MINDY3: variants seen among roughly 807,000 people sequenced by gnomAD.
The protein encoded by MINDY3 is ubiquitin carboxyl-terminal hydrolase MINDY-3.
In MINDY3, 38 loss-of-function variants were observed where a neutral mutation model predicts 69.2. The ratio of observed to expected loss-of-function variants is 0.55; its 90% CI spans 0.42 to 0.72. The LOEUF (loss-of-function observed/expected upper bound fraction) is 0.72, where lower values mean the gene tolerates loss of function less well. Ranked by LOEUF, MINDY3 falls within the 30% of genes least tolerant of loss-of-function variation. The pLI, the probability that MINDY3 is intolerant of heterozygous loss-of-function variation, is 0.00. For missense variants in MINDY3, 522 were observed against 519.0 expected, an observed-to-expected ratio of 1.01 and a Z score of -0.06; for synonymous variants, 192 against 180.1, an observed-to-expected ratio of 1.07 and a Z score of -0.53.
At chr10:15,859,049 T>G (rs1402763446) in intron 1 of MINDY3, among the ~76,000 whole-genome samples, 1 of 152,210 alleles carries the variant, frequency 6.6e-6, no homozygotes, top group African/African-American at 2.4e-5. Context: ...TTCTATCGAT[T>G]TGTGCAACTT....
At chr10:15,860,142 A>G in intron 1 of MINDY3, 64 bp downstream of exon 1, 1 of 1,240,414 alleles carries the variant, frequency 8.1e-7, no homozygotes, top group Non-Finnish European at 1.2e-6. Context: ...GAGAGGCGTC[A>G]CAGGCGGACT....
At chr10:15,808,015 C>T (rs1838751536) in intron 10 of MINDY3, among the ~76,000 whole-genome samples, 1 of 152,102 alleles carries the variant, frequency 6.6e-6, no homozygotes, top group African/African-American at 2.4e-5. Flanking sequence ...TGGGGGACAG[C>T]CCCAAATTGT....
At chr10:15,841,382 A>G in intron 4 of MINDY3, 44 bp downstream of exon 4, 1 of 1,489,810 alleles carries the variant, frequency 6.7e-7, no homozygotes. Context: ...TCATTAAAAC[A>G]AAGGAACAAG....
At chr10:15,789,688 C>G (rs1376239033) in intron 11 of MINDY3, among the ~76,000 whole-genome samples, 1 of 152,068 alleles carries the variant, frequency 6.6e-6, no homozygotes, top group Non-Finnish European at 1.5e-5. Context: ...TTTAACAATT[C>G]AATTAAAATA....
chr10:15,847,924 T>C lies in MINDY3; in HGVS notation c.114A>G (p.Ser38=). 2 of 1,613,972 alleles carry C rather than the reference T, an allele frequency of 1.2e-6. No individual in the cohort carries two copies. Among genetic ancestry groups the C allele is most frequent in the Middle Eastern group, 3.3e-4 (2 of 6,058 alleles). ...CAAACTGTTCTAATGCAGATCCCTC[T>C]GATTCACTAAACACAAACCCTAAAA... is the stretch of plus-strand genomic sequence containing the variant. ...RWTQGFVFSE[S]EGSALEQFEG... is the part of the protein sequence containing the mutation. Residue 38 remains serine, a synonymous_variant, in exon 2 of 15, where the codon TCA becomes TCG. Transcript: ENST00000277632.
chr10:15,821,641 T>G lies in MINDY3; in HGVS notation c.801+15A>C. On this transcript the variant is annotated intron_variant, in intron 9 of 14. Transcript: ENST00000277632. ...TAAACAAAAAACATTCAAAGTACCT[T>G]AAAAATCAATTTACCTTACAGTATC... The G allele has an allele frequency of 6.3e-7, 1 of 1,590,610 alleles. No individual in the cohort carries two copies. The highest frequency in any genetic ancestry group is 8.6e-7 in the Non-Finnish European group (1 of 1,166,254).
intron 10 of MINDY3, among the ~76,000 whole-genome samples, chr10:15,816,587 AT>A (rs1341075290): frequency 6.6e-6 from 1 of 151,718 alleles, no homozygotes; most frequent in Non-Finnish European, 1.5e-5. Context: ...TCTGAAAAAA[AT>A]CAAAAGCTAA....
intron 10 of MINDY3, among the ~76,000 whole-genome samples, chr10:15,816,234 C>T (rs977680894): frequency 1.5e-4 from 20 of 133,338 alleles, no homozygotes; most frequent in Non-Finnish European, 2.5e-4. Flanking sequence ...ACACTCTAGC[C>T]TGGGCAACAC....
chr10:15,833,242 T>G (rs1171770468), intron 8 of MINDY3, among the ~76,000 whole-genome samples: 1 of 152,168 alleles, frequency 6.6e-6, no homozygotes, highest in East Asian at 1.9e-4. Context: ...AAAAGTAATA[T>G]AGGCAAAAAC....
intron 6 of MINDY3, among the ~76,000 whole-genome samples, chr10:15,835,148 A>C (rs891929606): frequency 6.6e-6 from 1 of 152,054 alleles, no homozygotes; most frequent in Non-Finnish European, 1.5e-5. Flanking sequence ...ATACTGACAA[A>C]ATGCAAATTA....
At chr10:15,790,611 C>A (rs1837334731) in intron 11 of MINDY3, among the ~76,000 whole-genome samples, 1 of 152,096 alleles carries the variant, frequency 6.6e-6, no homozygotes, top group Non-Finnish European at 1.5e-5. Flanking sequence ...CAGACAGGAA[C>A]AATTAGGTTT....
At chr10:15,832,425 A>G (rs573980437) in intron 8 of MINDY3, among the ~76,000 whole-genome samples, 15 of 151,494 alleles carry the variant, frequency 9.9e-5, no homozygotes, top group African/African-American at 2.9e-4. Flanking sequence ...CCTGTATATT[A>G]CCCAAGAGAC....
intron 10 of MINDY3, among the ~76,000 whole-genome samples, chr10:15,816,148 C>G (rs1379140700): frequency 6.6e-6 from 1 of 151,048 alleles, no homozygotes; most frequent in Non-Finnish European, 1.5e-5. Flanking sequence ...GTAGTCCCAG[C>G]TACTCGGGAG....
At position 15,842,479 on chromosome 10, in the gene MINDY3, ATT is replaced by A. The variant is rs375333983; in HGVS notation, c.235+731_235+732del. Among the ~76,000 whole-genome samples the A allele has an allele frequency of 5.0e-3, 754 of 151,970 alleles. 4 individuals are homozygous for A. Among genetic ancestry groups the A allele is most frequent in the African/African-American group, 0.017 (694 of 41,540 alleles). ...CTCAAATAGTTTCTTCTCTACTAAAATTTGTTTTGTATTTCACCTATTAATTT... is the reference window on the plus strand; with the variant it reads ...CTCAAATAGTTTCTTCTCTACTAAAATGTTTTGTATTTCACCTATTAATTT... On this transcript the variant is annotated intron_variant, in intron 3 of 14. Coordinates refer to ENST00000277632, the MANE Select transcript of MINDY3 (RefSeq NM_024948.4).
rs575969385 is a variant in MINDY3, at chr10:15,801,028, G to A, written c.883-4856C>T. On this transcript the variant is annotated intron_variant, in intron 10 of 14. Coordinates refer to ENST00000277632, the MANE Select transcript of MINDY3 (RefSeq NM_024948.4). ...GTTTGATAATTTTAGAAACTGGTTT[G>A]GCTTTAAAAATATCAAGGTAACAGG... Among the ~76,000 whole-genome samples the A allele has an allele frequency of 1.2e-4, 19 of 152,270 alleles. No individual in the cohort carries two copies. The South Asian group carries it at 3.7e-3, about 30-fold the overall frequency.
At chr10:15,841,927 G>C (rs559034789) in intron 3 of MINDY3, among the ~76,000 whole-genome samples, 1 of 151,816 alleles carries the variant, frequency 6.6e-6, no homozygotes, top group East Asian at 1.9e-4. Flanking sequence ...TTTAAGCCAA[G>C]AGGTTTCCTC....
At chr10:15,835,075 G>A (rs1832984440) in intron 6 of MINDY3, among the ~76,000 whole-genome samples, 1 of 151,902 alleles carries the variant, frequency 6.6e-6, no homozygotes. Context: ...TATTTAACTG[G>A]TACATAAAAT....
chr10:15,846,648 G>T (rs1032142352), intron 2 of MINDY3, among the ~76,000 whole-genome samples: 4 of 151,494 alleles, frequency 2.6e-5, no homozygotes, highest in African/African-American at 9.7e-5. Context: ...TTTTAATAAT[G>T]TAAGTATTAT....
At chr10:15,843,653 C>G (rs942566795) in intron 2 of MINDY3, among the ~76,000 whole-genome samples, 3 of 152,012 alleles carry the variant, frequency 2.0e-5, no homozygotes, top group African/African-American at 7.2e-5. Flanking sequence ...TAAAAGAAAT[C>G]TAAATATAAA....
Sources: allele counts gnomAD v4.1 joint callset (sites outside exome capture counted in the v4.1 genomes callset), GRCh38; gene constraint gnomAD v4.1.1; transcripts MANE v1.5; gene names NCBI Gene and HGNC (gene_info 2026-07-23, HGNC 2026-07-21).